The following TM7SF3 variants were observed in gnomAD, a reference collection of about 807,000 sequenced individuals.
TM7SF3 encodes the protein transmembrane 7 superfamily member 3, also known as seven span transmembrane protein.
In TM7SF3, 60 loss-of-function variants were observed where a neutral mutation model predicts 65.5. That is an observed-to-expected ratio of 0.92 (90% confidence interval 0.74 to 1.14). The LOEUF (loss-of-function observed/expected upper bound fraction) is 1.14. Ranked by LOEUF, TM7SF3 falls within the 50% of genes most tolerant of loss-of-function variation. TM7SF3 has a pLI of 0.00. For missense variants in TM7SF3, 623 were observed against 684.8 expected (o/e 0.91, Z 1.01); for synonymous variants, 264 against 259.6 (o/e 1.02, Z -0.16).
intron 9 of TM7SF3, 23 bp from the exon 10 acceptor site, chr12:26,976,380 A>G: frequency 6.6e-7 from 1 of 1,526,270 alleles, no homozygotes; most frequent in Non-Finnish European, 9.1e-7. Context: ...AAAGAAACTA[A>G]GAGTAAACAA....
intron 8 of TM7SF3, 127 bp from the exon 9 acceptor site, chr12:26,980,063 G>A: frequency 8.9e-7 from 1 of 1,120,390 alleles, no homozygotes; most frequent in Non-Finnish European, 1.3e-6. Flanking sequence ...GGGCTCTTCA[G>A]TGGTGCCATG....
chr12:27,012,647 C>T (rs1373466700), intron 1 of TM7SF3: 2 of 455,846 alleles, frequency 4.4e-6, no homozygotes, highest in East Asian at 1.4e-4. Flanking sequence ...ACCCATTCAC[C>T]AAGCACAAGA....
In TM7SF3 at chr12:26,977,226, T is replaced by C. The variant is rs118053873; in HGVS notation, c.1190-869A>G. The stretch of plus-strand genomic sequence containing the variant: ...GCAATATGCCATTGAGGTGAACTTA[T>C]AGATTCTATTCTCTAGTTTAACTAT... On this transcript the variant is annotated intron_variant, in intron 9 of 11. Transcript: ENST00000343028. Among the ~76,000 whole-genome samples, 160 of 152,352 alleles carry C rather than the reference T, an allele frequency of 1.1e-3. 1 individual carries two copies. Among genetic ancestry groups the C allele is most frequent in the African/African-American group, 3.7e-3 (152 of 41,582 alleles).
intron 3 of TM7SF3, 94 bp downstream of exon 3, chr12:26,999,432 A>G: frequency 7.4e-7 from 1 of 1,342,866 alleles, no homozygotes. Context: ...TTATACTTGC[A>G]ACAAACAATC....
rs149723462 is a variant in TM7SF3, at chr12:27,000,857, C to T, written c.247-1181G>A. Among the ~76,000 whole-genome samples the T allele has an allele frequency of 2.2e-3, 332 of 152,058 alleles. 1 individual carries two copies. The highest frequency in any genetic ancestry group is 7.8e-3 in the African/African-American group (324 of 41,480). On this transcript the variant is annotated intron_variant, in intron 2 of 11. Transcript: ENST00000343028. ...TGCATCACCCCAAGTTTCCTTGTGC[C>T]CCTTCCTAATCCTTCCTCACACACT...
intron 1 of TM7SF3, among the ~76,000 whole-genome samples, chr12:27,007,899 T>C (rs1209842825): frequency 6.6e-6 from 1 of 152,218 alleles, no homozygotes; most frequent in East Asian, 1.9e-4. Flanking sequence ...CCAGCTGCTA[T>C]AGGTAGCTAT....
rs753122721 is a variant in TM7SF3, at chr12:26,983,603, C to G, written c.869-744G>C. 16 of 452,706 alleles carry G rather than the reference C, an allele frequency of 3.5e-5. No homozygotes were observed. The East Asian group carries it at 1.0e-3, about 29-fold the overall frequency. The allele number at this position is 452,706 out of a possible 1,614,324, so 28.0% of individuals were successfully genotyped here. Reference sequence around the variant, plus strand: ...AGAAGCAGGTACAGCACAGCTGAAACAAGATAATGGCCATAAATCAAAATT... The same window carrying G: ...AGAAGCAGGTACAGCACAGCTGAAAGAAGATAATGGCCATAAATCAAAATT... On this transcript the variant is annotated intron_variant, in intron 6 of 11. Coordinates refer to ENST00000343028, the MANE Select transcript of TM7SF3 (RefSeq NM_016551.3).
rs1283460749 is a variant in TM7SF3, at chr12:27,014,136, C to T, written c.33G>A (p.Val11=). 1.3e-6 allele frequency: 2 copies of T among 1,568,488 alleles called. No individual in the cohort carries two copies. Among genetic ancestry groups the T allele is most frequent in the Non-Finnish European group, 1.7e-6 (2 of 1,156,600 alleles). The change falls in exon 1 of 12, where the codon GTG becomes GTA. Residue 11 remains valine (V), a synonymous_variant. Coordinates refer to ENST00000343028, the MANE Select transcript of TM7SF3 (RefSeq NM_016551.3). MGFLQLLVVA[V]LASEHRVAGA... is the part of the protein sequence containing the mutation. ...CAGCCACCCGGTGTTCGGATGCCAG[C>T]ACCGCTACGACCAGCAGCTGCAGGA...
intron 9 of TM7SF3, 112 bp downstream of exon 9, chr12:26,979,672 G>C (rs1301011040): frequency 2.4e-6 from 3 of 1,238,152 alleles, no homozygotes; most frequent in Non-Finnish European, 3.4e-6. Context: ...CAGATTTCCA[G>C]AACTCCACAG....
chr12:26,993,095 G>A (rs1940446337), intron 5 of TM7SF3, among the ~76,000 whole-genome samples: 1 of 151,744 alleles, frequency 6.6e-6, no homozygotes, highest in African/African-American at 2.4e-5. Context: ...TAGTGGCTGT[G>A]AGGTTTTGCC....
In TM7SF3 at chr12:26,975,661, G is replaced by GC. The variant is rs1939533379; in HGVS notation, c.1288-4_1288-3insG. The GC allele has an allele frequency of 3.1e-6, 5 of 1,613,124 alleles. No individual in the cohort carries two copies. In the Admixed American group the frequency reaches 5.0e-5, roughly 16 times the overall value. ...ACTCCACAAGTCAGTATGTTCAGCT[G>GC]TGGAAGAGTGGAAGAGTTTAGGCAT... On this transcript the variant is annotated splice_polypyrimidine_tract_variant and splice_region_variant and intron_variant, in intron 10 of 11. Coordinates refer to ENST00000343028, the MANE Select transcript of TM7SF3 (RefSeq NM_016551.3).
chr12:26,984,204 C>T (rs1008878894), intron 6 of TM7SF3, among the ~76,000 whole-genome samples: 10 of 151,962 alleles, frequency 6.6e-5, no homozygotes, highest in African/African-American at 2.2e-4. Flanking sequence ...CCGAGGTGGG[C>T]GGATCACTTG....
chr12:26,982,839 A>C lies in TM7SF3; in HGVS notation c.889T>G (p.Phe297Val). ...ASLGRVSSKV[F>V]FTLFALLGFF... ...CCAAGCAGGGCAAAAAGAGTGAAGA[A>C]CACTTTGGAAGACACTCTTCCTAAA... Residue 297 changes from phenylalanine (F) to valine (V), a missense_variant, in exon 7 of 12, where the codon TTC becomes GTC. Coordinates refer to ENST00000343028, the MANE Select transcript of TM7SF3 (RefSeq NM_016551.3). 6.2e-7 allele frequency: 1 copy of C among 1,607,436 alleles called. No homozygotes were observed. The highest frequency in any genetic ancestry group is 8.5e-7 in the Non-Finnish European group (1 of 1,178,004).
chr12:27,004,542 T>C (rs1278942146), intron 1 of TM7SF3, among the ~76,000 whole-genome samples: 1 of 152,104 alleles, frequency 6.6e-6, no homozygotes, highest in Non-Finnish European at 1.5e-5. Context: ...CATTCTTATA[T>C]ACCATGTCCC....
intron 3 of TM7SF3, 32 bp downstream of exon 3, chr12:26,999,494 G>A: frequency 6.2e-7 from 1 of 1,605,368 alleles, no homozygotes; most frequent in Admixed American, 1.7e-5. Flanking sequence ...ATATTCCAAA[G>A]AGTAAGAGGG....
At chr12:26,996,165 A>G (rs1418998032) in intron 4 of TM7SF3, among the ~76,000 whole-genome samples, 9 of 152,128 alleles carry the variant, frequency 5.9e-5, no homozygotes, top group Admixed American at 2.0e-4. Flanking sequence ...AAAAAAAAAA[A>G]AAGAAGAAGA....
chr12:27,006,257 C>T (rs1941031969), intron 1 of TM7SF3, among the ~76,000 whole-genome samples: 1 of 150,936 alleles, frequency 6.6e-6, no homozygotes. Context: ...CCTGCCTCAA[C>T]CTCCTGAGTA....
chr12:26,974,302 G>T, intron 11 of TM7SF3, 75 bp from the exon 12 acceptor site: 1 of 1,443,606 alleles, frequency 6.9e-7, no homozygotes, highest in Non-Finnish European at 9.4e-7. Flanking sequence ...ACCCTTCATG[G>T]ACTAAATCTG....
intron 1 of TM7SF3, among the ~76,000 whole-genome samples, chr12:27,009,063 T>C (rs1178037771): frequency 2.6e-5 from 4 of 152,200 alleles, no homozygotes; most frequent in African/African-American, 9.6e-5. Context: ...GTTCCACCTT[T>C]CACATAAGTC....
Sources: allele counts gnomAD v4.1 joint callset (sites outside exome capture counted in the v4.1 genomes callset), GRCh38; gene constraint gnomAD v4.1.1; transcripts MANE v1.5; gene names NCBI Gene and HGNC (gene_info 2026-07-23, HGNC 2026-07-21).